TADA3: variants seen among roughly 807,000 people sequenced by gnomAD.
TADA3 encodes transcriptional adaptor 3.
Under a neutral mutation model 43.2 loss-of-function variants are expected in TADA3, and 25 were observed. That is an observed-to-expected ratio of 0.58 (90% CI 0.42 to 0.81). TADA3 has a LOEUF of 0.81. TADA3 is among the 30% of genes least tolerant of loss of function. The probability of loss-of-function intolerance (pLI) is 0.00; values close to 1 mark genes in which losing one functional copy is unlikely to be tolerated. For synonymous variants in TADA3, 235 were observed against 225.5 expected (o/e 1.04, Z -0.38); for missense variants, 441 against 567.8 (o/e 0.78, Z 2.27).
intron 6 of TADA3, among the ~76,000 whole-genome samples, chr3:9,786,539 G>A (rs2078616696): frequency 6.6e-6 from 1 of 152,208 alleles, no homozygotes; most frequent in African/African-American, 2.4e-5. Context: ...CCTGGTGTGT[G>A]AGACCTCAAG....
At chr3:9,787,371 G>A (rs1350522735) in intron 4 of TADA3, 31 bp from the exon 5 acceptor site, 1 of 1,579,326 alleles carries the variant, frequency 6.3e-7, no homozygotes, top group Non-Finnish European at 8.6e-7. Context: ...AACCCTGAGT[G>A]GGTAAGCACT....
Position 9,780,186 on chromosome 3 carries a change from C to G in TADA3, c.*171G>C, listed in dbSNP as rs886130165. 1.1e-5 allele frequency: 7 copies of G among 613,998 alleles called. No homozygotes were observed. The East Asian group carries it at 2.0e-4, about 18-fold the overall frequency. 38.0% of individuals were successfully genotyped at this position (613,998 alleles called of 1,614,324 possible). A position where few individuals can be genotyped will look rare whatever the true frequency, so the allele number is the denominator to read the frequency against. ...CTAGCCCAGCAGGGCTTCCTGTGTCCTGGTTGTACAGAGCTAGGCCAAAAG... is the reference window on the plus strand; with the variant it reads ...CTAGCCCAGCAGGGCTTCCTGTGTCGTGGTTGTACAGAGCTAGGCCAAAAG... On this transcript the variant is annotated 3_prime_UTR_variant, in exon 9 of 9. Transcript: ENST00000301964.
At chr3:9,792,634 G>A, upstream of TADA3, 1 of 1,231,436 alleles carries the variant, frequency 8.1e-7, no homozygotes, top group Non-Finnish European at 1.0e-6. Context: ...GCACAGCCCG[G>A]GGCGGGAGGC....
In TADA3 at chr3:9,789,721, G is replaced by T. The variant is rs762393128; in HGVS notation, c.450C>A (p.Ala150=). ...IDVPRIPKND[A]PNRFWASVEP... is the part of the protein sequence containing the mutation. ...GTTCTCTAGCCCAGAACCTGTTGGG[G>T]GCATCATTTTTGGGGATCCGTGGCA... The change falls in exon 3 of 9, where the codon GCC becomes GCA. Residue 150 remains alanine, a synonymous_variant. Transcript: ENST00000301964. 2 of 1,612,886 alleles carry T rather than the reference G, an allele frequency of 1.2e-6. No homozygotes were observed.
intron 3 of TADA3, 38 bp from the exon 4 acceptor site, chr3:9,789,652 C>T (rs760303870): frequency 7.4e-6 from 12 of 1,610,930 alleles, no homozygotes; most frequent in Non-Finnish European, 1.0e-5. Context: ...GCGCCCCTGC[C>T]CCACCAGTGC....
At position 9,789,904 on chromosome 3, in the gene TADA3, G is replaced by A. The variant is rs1190261012; in HGVS notation, c.267C>T (p.Asp89=). 3 of 1,613,662 alleles carry A rather than the reference G, an allele frequency of 1.9e-6. No homozygotes were observed. Among genetic ancestry groups the A allele is most frequent in the Non-Finnish European group, 2.5e-6 (3 of 1,179,888 alleles). ...GDRRFLKLGR[D]HELGAPPKHG... The stretch of plus-strand genomic sequence containing the variant: ...GTTTGGGGGGAGCTCCAAGTTCATG[G>A]TCTCGACCCAGCTTCAGGAATCGTC... Residue 89 remains aspartate (D), a synonymous_variant, in exon 3 of 9, where the codon GAC becomes GAT. Transcript: ENST00000301964.
intron 6 of TADA3, among the ~76,000 whole-genome samples, chr3:9,786,219 G>A (rs922058831): frequency 4.6e-5 from 7 of 152,288 alleles, no homozygotes; most frequent in East Asian, 1.9e-4. Flanking sequence ...GATTACAGGC[G>A]TGAGCCACCG....
Position 9,780,453 on chromosome 3 carries a change from G to C in TADA3, c.1203C>G (p.Ala401=). ...TGGTGGGAGTCCGCTTCTTCTGCCG[G>C]GCAGCCATGATCTTGCGAAAGGCGT... ...VMDAFRKIMA[A]RQKKRTPTKK... The change falls in exon 9 of 9, where the codon GCC becomes GCG. Residue 401 remains alanine (A), a synonymous_variant. Transcript: ENST00000301964. 6.2e-7 allele frequency: 1 copy of C among 1,612,462 alleles called. No individual in the cohort carries two copies. Among genetic ancestry groups the C allele is most frequent in the Non-Finnish European group, 8.5e-7 (1 of 1,179,992 alleles).
chr3:9,792,921 T>G (rs1172281066), upstream of TADA3: 23 of 1,397,318 alleles, frequency 1.6e-5, no homozygotes, highest in Non-Finnish European at 2.1e-5. Context: ...AGTGCAAGAA[T>G]TTAAAAATAC....
chr3:9,780,619 C>G, intron 8 of TADA3, 70 bp from the exon 9 acceptor site: 1 of 1,473,270 alleles, frequency 6.8e-7, no homozygotes, highest in Non-Finnish European at 9.1e-7. Context: ...CTCTTCAAGA[C>G]CGAGCCTACC....
chr3:9,784,626 A>G (rs1381251456), intron 7 of TADA3, among the ~76,000 whole-genome samples: 4 of 152,066 alleles, frequency 2.6e-5, no homozygotes, highest in African/African-American at 9.7e-5. Flanking sequence ...GCACTTTGGA[A>G]GGCCGAGGTG....
In TADA3 at chr3:9,789,430, G is replaced by A. The variant is rs2078687671; in HGVS notation, c.564+79C>T. 6 of 1,338,800 alleles carry A rather than the reference G, an allele frequency of 4.5e-6. No individual in the cohort carries two copies. The South Asian group carries it at 6.5e-5, about 15-fold the overall frequency. 82.9% of individuals were successfully genotyped at this position (1,338,800 alleles called of 1,614,324 possible). A position where few individuals can be genotyped will look rare whatever the true frequency, so the allele number is the denominator to read the frequency against. On this transcript the variant is annotated intron_variant, in intron 4 of 8. Coordinates refer to ENST00000301964, the MANE Select transcript of TADA3 (RefSeq NM_006354.5). ...GGGTTGGGGAAGGAAGATGATGCAT[G>A]GCTTTGGTAGCTTTACTTCTCAGGC...
At position 9,791,344 on chromosome 3, in the gene TADA3, C is replaced by G; in HGVS notation, c.123G>C (p.Glu41Asp). The G allele has an allele frequency of 6.2e-7, 1 of 1,614,210 alleles. No homozygotes were observed. The highest frequency in any genetic ancestry group is 8.5e-7 in the Non-Finnish European group (1 of 1,180,038). Reference sequence around the variant, plus strand: ...GCTCCAGCTGCAGGGTGTCCAGCTCCTCGATGCCGATGCCATCATCCTCAG... The same window carrying G: ...GCTCCAGCTGCAGGGTGTCCAGCTCGTCGATGCCGATGCCATCATCCTCAG... ...ARSEDDGIGI[E>D]ELDTLQLELE... Residue 41 changes from glutamate (E) to aspartate (D), a missense_variant, in exon 2 of 9, where the codon GAG (glutamate) becomes GAC (aspartate). Transcript: ENST00000301964.
chr3:9,785,754 A>G (rs1451786667), intron 6 of TADA3, among the ~76,000 whole-genome samples: 1 of 152,184 alleles, frequency 6.6e-6, no homozygotes, highest in Non-Finnish European at 1.5e-5. Flanking sequence ...AGCTGTCCGA[A>G]TGCCATACTC....
chr3:9,787,589 G>A, intron 4 of TADA3: 1 of 1,055,318 alleles, frequency 9.5e-7, no homozygotes. Flanking sequence ...AAGATAGAAG[G>A]TGCAGAATAC....
chr3:9,788,949 A>T (rs1374694319), intron 4 of TADA3, among the ~76,000 whole-genome samples: 1 of 142,192 alleles, frequency 7.0e-6, no homozygotes, highest in Non-Finnish European at 1.5e-5. Context: ...GATCCTCCTG[A>T]CTCAGCCTCC....
At position 9,789,602 on chromosome 3, in the gene TADA3, T is replaced by C; in HGVS notation, c.471A>G (p.Ser157=). The change falls in exon 4 of 9, where the codon TCA becomes TCG. Residue 157 remains serine, a synonymous_variant. Transcript: ENST00000301964. Reference sequence around the variant, plus strand: ...TGATGTCAGCACAGTAGGGCTCCACTGAAGCCCAGAACCTGCAGGGAGAAG... The same window carrying C: ...TGATGTCAGCACAGTAGGGCTCCACCGAAGCCCAGAACCTGCAGGGAGAAG... ...KNDAPNRFWA[S]VEPYCADITS... 4.3e-6 allele frequency: 7 copies of C among 1,614,058 alleles called. No homozygotes were observed. The East Asian group carries it at 6.7e-5, about 15-fold the overall frequency.
chr3:9,780,503 G>C lies in TADA3; in HGVS notation c.1153C>G (p.Arg385Gly), dbSNP rs552406219. Residue 385 changes from arginine to glycine, a missense_variant, in exon 9 of 9, where the codon CGC becomes GGC. Arg to Gly is a moderately radical substitution (Grantham distance 125, BLOSUM62 -2). Transcript: ENST00000301964. ...TCCATGACCTCGTTGTCAGCCATGC[G>C]CACCCGCTGCCTCAGCTCCTGCCGG... is the stretch of plus-strand genomic sequence containing the variant. ...VSRQELRQRVRMADNEVMDAF... is the reference protein window; with the variant it reads ...VSRQELRQRVGMADNEVMDAF... 2.5e-6 allele frequency: 4 copies of C among 1,608,100 alleles called. No homozygotes were observed. In the African/African-American group the frequency reaches 5.3e-5, roughly 21 times the overall value.
chr3:9,784,031 A>G lies in TADA3; in HGVS notation c.1103T>C (p.Leu368Pro). ...AHNRTKKHDL[L>P]RLAKEEVSRQ... ...TGTGCATCCTGCTAACGCTCACCTC[A>G]GCAGGTCGTGCTTCTTGGTGCGGTT... Residue 368 changes from leucine (L) to proline (P), a missense_variant, in exon 8 of 9, where the codon CTG becomes CCG. Transcript: ENST00000301964. The G allele has an allele frequency of 6.2e-7, 1 of 1,613,586 alleles. No individual in the cohort carries two copies. Among genetic ancestry groups the G allele is most frequent in the Non-Finnish European group, 8.5e-7 (1 of 1,179,656 alleles).
Sources: gnomAD v4.1 joint callset for allele counts (sites outside exome capture counted in the v4.1 genomes callset) on GRCh38, gnomAD v4.1.1 for gene constraint, MANE v1.5 for transcripts, NCBI Gene and HGNC (gene_info 2026-07-23, HGNC 2026-07-21) for gene names.